Variants in ANO10 observed in about 807,000 individuals in gnomAD.
The protein encoded by ANO10 is anoctamin 10, also known as anoctamin-10.
Under a neutral mutation model 74.7 loss-of-function variants are expected in ANO10, and 77 were observed. That is an observed-to-expected ratio of 1.03 (90% CI 0.86 to 1.25). ANO10 has a LOEUF of 1.25. ANO10 is among the 50% of genes most tolerant of loss of function. The probability of loss-of-function intolerance (pLI) is 0.00; values close to 1 mark genes in which losing one functional copy is unlikely to be tolerated. For synonymous variants in ANO10, 279 were observed against 284.9 expected, an observed-to-expected ratio of 0.98 and a Z score of 0.21; for missense variants, 721 against 778.1, an observed-to-expected ratio of 0.93 and a Z score of 0.87.
At chr3:43,614,795 A>ATATATATG (rs1438313800) in intron 1 of ANO10, among the ~76,000 whole-genome samples, 2 of 137,510 alleles carry the variant, frequency 1.5e-5, no homozygotes, top group Non-Finnish European at 3.2e-5. Context: ...ATATATATAT[A>ATATATATG]TATATATAGG....
chr3:43,579,640 A>G (rs1167930983), intron 5 of ANO10, among the ~76,000 whole-genome samples: 2 of 152,196 alleles, frequency 1.3e-5, no homozygotes, highest in Admixed American at 6.5e-5. Flanking sequence ...AATTGCTTCA[A>G]CCTGGGAGGT....
At chr3:43,523,326 G>A (rs551217246) in intron 11 of ANO10, among the ~76,000 whole-genome samples, 48 of 152,268 alleles carry the variant, frequency 3.2e-4, no homozygotes, top group South Asian at 1.0e-3. Flanking sequence ...GAAGGGCCTC[G>A]AAAACTACAC....
At chr3:43,690,924 GC>G in intron 1 of ANO10, 1 of 1,505,850 alleles carries the variant, frequency 6.6e-7, no homozygotes, top group Non-Finnish European at 8.8e-7. Context: ...TGCCGCGCCA[GC>G]CCGGGGCGGC....
intron 11 of ANO10, among the ~76,000 whole-genome samples, chr3:43,543,800 G>A (rs984566162): frequency 6.6e-6 from 1 of 152,176 alleles, no homozygotes; most frequent in African/African-American, 2.4e-5. Flanking sequence ...AATTAAACAT[G>A]CATGGTACAG....
chr3:43,546,218 A>G (rs888315868), intron 11 of ANO10, among the ~76,000 whole-genome samples: 2 of 152,250 alleles, frequency 1.3e-5, no homozygotes, highest in African/African-American at 2.4e-5. Flanking sequence ...ATCGATAGTT[A>G]ACATTTTAAA....
chr3:43,484,539 A>G (rs1294293028), intron 11 of ANO10, among the ~76,000 whole-genome samples: 1 of 152,226 alleles, frequency 6.6e-6, no homozygotes. Context: ...AAATATTTCT[A>G]TCGCCTTCAG....
At chr3:43,664,807 G>A (rs1013610485) in intron 1 of ANO10, among the ~76,000 whole-genome samples, 3 of 152,184 alleles carry the variant, frequency 2.0e-5, no homozygotes, top group Non-Finnish European at 4.4e-5. Context: ...TTAGAGAAGT[G>A]CAAATCAAAA....
chr3:43,600,284 T>A (rs2082279070), intron 3 of ANO10, 100 bp downstream of exon 3: 1 of 1,322,132 alleles, frequency 7.6e-7, no homozygotes, highest in Admixed American at 1.7e-5. Flanking sequence ...ATTTACTATT[T>A]GACCCTTTAC....
chr3:43,381,766 A>G (rs1315641963), intron 12 of ANO10, among the ~76,000 whole-genome samples: 1 of 152,222 alleles, frequency 6.6e-6, no homozygotes, highest in African/African-American at 2.4e-5. Context: ...CAGAATATAC[A>G]TTCTACTCAT....
intron 12 of ANO10, among the ~76,000 whole-genome samples, chr3:43,428,390 A>G (rs1241319354): frequency 1.3e-5 from 2 of 152,068 alleles, no homozygotes; most frequent in East Asian, 3.9e-4. Context: ...ATTAAAAGAA[A>G]AAAATTTAGT....
chr3:43,594,289 C>T (rs1244415862), intron 4 of ANO10, among the ~76,000 whole-genome samples: 1 of 152,180 alleles, frequency 6.6e-6, no homozygotes, highest in Non-Finnish European at 1.5e-5. Context: ...ACTCTCCACC[C>T]CAAATCAACA....
Position 43,456,044 on chromosome 3 carries a change from A to C in ANO10, c.1798-23317T>G, listed in dbSNP as rs535315143. Among the ~76,000 whole-genome samples the C allele has an allele frequency of 5.9e-5, 9 of 152,286 alleles. 1 individual carries two copies. In the South Asian group the frequency reaches 1.9e-3, roughly 32 times the overall value. On this transcript the variant is annotated intron_variant, in intron 11 of 12. Transcript: ENST00000292246. ...TAAGCACCTACTAGGTGATGAAATA[A>C]TTTCTTTAAATAGAAATTGACATGC...
At chr3:43,583,301 C>G (rs1221368971) in intron 4 of ANO10, among the ~76,000 whole-genome samples, 1 of 151,812 alleles carries the variant, frequency 6.6e-6, no homozygotes, top group African/African-American at 2.4e-5. Flanking sequence ...TAGGAAGGAG[C>G]CTTACCTTCA....
intron 12 of ANO10, among the ~76,000 whole-genome samples, chr3:43,383,757 A>G (rs2092039355): frequency 6.6e-6 from 1 of 152,230 alleles, no homozygotes; most frequent in Admixed American, 6.5e-5. Context: ...CAGCAAAATC[A>G]GCATAGAAGG....
chr3:43,552,726 ATATGTATGTATGTATGTATG>A (rs1182501393), intron 10 of ANO10, among the ~76,000 whole-genome samples: 1 of 95,602 alleles, frequency 1.0e-5, no homozygotes, highest in Non-Finnish European at 2.1e-5. Context: ...ATATATATAT[ATATGTATGTATGTATGTATG>A]TATGTATGTA....
intron 12 of ANO10, among the ~76,000 whole-genome samples, chr3:43,408,353 C>G (rs887170569): frequency 3.3e-5 from 5 of 152,132 alleles, no homozygotes; most frequent in African/African-American, 1.2e-4. Context: ...TTTCATTATT[C>G]GTCCTTAAGA....
At chr3:43,383,453 C>CA (rs1235535066) in intron 12 of ANO10, among the ~76,000 whole-genome samples, 2,858 of 50,144 alleles carry the variant, frequency 0.057, 97 homozygotes, top group Non-Finnish European at 0.074. Context: ...GACTCTGTCT[C>CA]AAAAAAAAAA....
At chr3:43,507,716 GA>G (rs1189692032) in intron 11 of ANO10, among the ~76,000 whole-genome samples, 2 of 152,074 alleles carry the variant, frequency 1.3e-5, no homozygotes, top group Non-Finnish European at 2.9e-5. Context: ...CATAACTGGA[GA>G]AAATAAATAT....
intron 7 of ANO10, among the ~76,000 whole-genome samples, chr3:43,571,687 G>T (rs1433908336): frequency 6.6e-6 from 1 of 151,572 alleles, no homozygotes; most frequent in Non-Finnish European, 1.5e-5. Context: ...GACTGTTGTG[G>T]GGTGGGGGCA....
Sources: allele counts gnomAD v4.1 joint callset (sites outside exome capture counted in the v4.1 genomes callset), GRCh38; gene constraint gnomAD v4.1.1; transcripts MANE v1.5; gene names NCBI Gene and HGNC (gene_info 2026-07-23, HGNC 2026-07-21).